The following LRRTM4 variants were observed in gnomAD, a reference collection of about 807,000 sequenced individuals.
LRRTM4 encodes leucine rich repeat transmembrane neuronal 4, also known as leucine-rich repeat transmembrane neuronal protein 4.
Under a neutral mutation model 47.6 loss-of-function variants are expected in LRRTM4, and 25 were observed. The observed-to-expected ratio is 0.53, with a 90% CI of 0.38 to 0.73. The LOEUF (loss-of-function observed/expected upper bound fraction) is 0.73, where lower values mean the gene tolerates loss of function less well. Ranked by LOEUF, LRRTM4 falls within the 30% of genes least tolerant of loss-of-function variation. The pLI, the probability that LRRTM4 is intolerant of heterozygous loss-of-function variation, is 0.00. For synonymous variants in LRRTM4, 311 were observed against 269.5 expected (o/e 1.15, Z -1.51); for missense variants, 638 against 713.4 (o/e 0.89, Z 1.20).
At chr2:76,798,206 C>A (rs1028037239) in intron 3 of LRRTM4, among the ~76,000 whole-genome samples, 2 of 152,054 alleles carry the variant, frequency 1.3e-5, no homozygotes, top group Admixed American at 6.5e-5. Flanking sequence ...GGAAGTAAAG[C>A]TCTCCTCAGA....
chr2:76,752,795 C>T (rs1672897636), intron 3 of LRRTM4, among the ~76,000 whole-genome samples: 2 of 152,210 alleles, frequency 1.3e-5, no homozygotes, highest in Non-Finnish European at 2.9e-5. Context: ...ACAAAGTATT[C>T]TTAAGTTTTG....
At chr2:76,917,738 G>A (rs1251485177) in intron 3 of LRRTM4, among the ~76,000 whole-genome samples, 1 of 152,286 alleles carries the variant, frequency 6.6e-6, no homozygotes, top group Middle Eastern at 3.4e-3. Flanking sequence ...ACAAAGGACA[G>A]TCATGCCCCT....
At chr2:77,373,088 A>T (rs112498147) in intron 3 of LRRTM4, among the ~76,000 whole-genome samples, 8,385 of 140,098 alleles carry the variant, frequency 0.06, 304 homozygotes, top group African/African-American at 0.084. Flanking sequence ...TTAAAAAAAA[A>T]ATATATATAT....
chr2:77,041,041 C>T (rs1221431623), intron 3 of LRRTM4, among the ~76,000 whole-genome samples: 1 of 151,210 alleles, frequency 6.6e-6, no homozygotes, highest in Admixed American at 6.6e-5. Context: ...TCTAACTGTA[C>T]CTTTGTACTC....
chr2:76,748,590 A>T lies in LRRTM4; in HGVS notation c.*105T>A. Reference sequence around the variant, plus strand: ...CTATGCCATAAATGTTTTAACAGGAACGATGAGCTTGCTCGATTGCGCGAT... The same window carrying T: ...CTATGCCATAAATGTTTTAACAGGATCGATGAGCTTGCTCGATTGCGCGAT... On this transcript the variant is annotated 3_prime_UTR_variant, in exon 4 of 4. Transcript: ENST00000409884. 1.1e-6 allele frequency: 1 copy of T among 908,388 alleles called. No individual in the cohort carries two copies. The highest frequency in any genetic ancestry group is 2.4e-5 in the East Asian group (1 of 41,238). The allele number at this position is 908,388 out of a possible 1,614,324, so 56.3% of individuals were successfully genotyped here.
intron 3 of LRRTM4, among the ~76,000 whole-genome samples, chr2:77,435,598 G>A (rs1675559750): frequency 6.6e-6 from 1 of 152,138 alleles, no homozygotes; most frequent in African/African-American, 2.4e-5. Context: ...CAAGAACCCA[G>A]CCACCTTTCA....
chr2:77,020,871 G>A (rs1244882855), intron 3 of LRRTM4, among the ~76,000 whole-genome samples: 1 of 152,168 alleles, frequency 6.6e-6, no homozygotes, highest in Non-Finnish European at 1.5e-5. Context: ...CCATGGATTG[G>A]GGAGTACTGA....
At chr2:77,308,918 A>T (rs1229707930) in intron 3 of LRRTM4, among the ~76,000 whole-genome samples, 2 of 152,150 alleles carry the variant, frequency 1.3e-5, no homozygotes, top group Non-Finnish European at 2.9e-5. Context: ...GACTCAAGAA[A>T]CAACAAAAAC....
intron 3 of LRRTM4, among the ~76,000 whole-genome samples, chr2:76,925,903 C>T (rs977345453): frequency 6.6e-6 from 1 of 152,084 alleles, no homozygotes. Context: ...AAGAGTAAAA[C>T]ATTTAAAAGT....
intron 3 of LRRTM4, among the ~76,000 whole-genome samples, chr2:76,752,192 A>T (rs115019491): frequency 2.5e-3 from 376 of 152,276 alleles, no homozygotes; most frequent in African/African-American, 8.7e-3. Flanking sequence ...TTGCACAACC[A>T]GGTGAATCTA....
rs376312022 is a variant in LRRTM4 at position 76,832,939 on chromosome 2, C to T, written c.1552-84023G>A. ...AGAGGAATTATGCTACCAAATTGTC[C>T]ATGTTGAGAAGGAGAGTATGGCACA... On this transcript the variant is annotated intron_variant, in intron 3 of 3. Coordinates refer to ENST00000409884, the MANE Select transcript of LRRTM4 (RefSeq NM_001134745.3). Among the ~76,000 whole-genome samples the T allele has an allele frequency of 1.3e-4, 20 of 151,946 alleles. 1 individual carries two copies. The highest frequency in any genetic ancestry group is 7.7e-4 in the East Asian group (4 of 5,166).
chr2:77,247,103 A>G (rs1675468808), intron 3 of LRRTM4, among the ~76,000 whole-genome samples: 1 of 152,048 alleles, frequency 6.6e-6, no homozygotes, highest in Non-Finnish European at 1.5e-5. Flanking sequence ...TCTGTTTGTT[A>G]TTAATTATAT....
intron 3 of LRRTM4, among the ~76,000 whole-genome samples, chr2:77,414,528 T>G (rs1405284319): frequency 6.6e-6 from 1 of 152,124 alleles, no homozygotes; most frequent in Non-Finnish European, 1.5e-5. Flanking sequence ...TTTTGTGTCT[T>G]TAATTATTTG....
intron 3 of LRRTM4, among the ~76,000 whole-genome samples, chr2:77,249,677 C>A (rs962960745): frequency 2.0e-5 from 3 of 152,124 alleles, no homozygotes. Flanking sequence ...CAAATGCTGG[C>A]AGGAATGTGG....
At chr2:76,949,570 A>G (rs1379998008) in intron 3 of LRRTM4, among the ~76,000 whole-genome samples, 1 of 151,852 alleles carries the variant, frequency 6.6e-6, no homozygotes, top group Non-Finnish European at 1.5e-5. Context: ...AGGTGGCATG[A>G]AAAACGTGCC....
intron 3 of LRRTM4, among the ~76,000 whole-genome samples, chr2:77,514,363 T>C (rs1197277236): frequency 6.6e-6 from 1 of 151,790 alleles, no homozygotes; most frequent in Non-Finnish European, 1.5e-5. Context: ...TGAAAAGAAG[T>C]TAAGTGGTCT....
chr2:77,305,992 T>G (rs2104178107), intron 3 of LRRTM4, among the ~76,000 whole-genome samples: 1 of 152,266 alleles, frequency 6.6e-6, no homozygotes, highest in Admixed American at 6.5e-5. Flanking sequence ...TCACTTAAAT[T>G]TAACCATGTA....
At chr2:77,051,130 G>C (rs1017877967) in intron 3 of LRRTM4, among the ~76,000 whole-genome samples, 4 of 151,658 alleles carry the variant, frequency 2.6e-5, no homozygotes, top group African/African-American at 7.3e-5. Flanking sequence ...TTGATAGTTA[G>C]GATATGGAGG....
At chr2:76,944,741 A>G (rs1487614772) in intron 3 of LRRTM4, among the ~76,000 whole-genome samples, 1 of 152,112 alleles carries the variant, frequency 6.6e-6, no homozygotes, top group Non-Finnish European at 1.5e-5. Context: ...TTCAGCTGGG[A>G]AATTGAGAAG....
Sources: gnomAD v4.1 joint callset for allele counts (sites outside exome capture counted in the v4.1 genomes callset) on GRCh38, gnomAD v4.1.1 for gene constraint, MANE v1.5 for transcripts, NCBI Gene and HGNC (gene_info 2026-07-23, HGNC 2026-07-21) for gene names.